The following LDB2 variants were observed in gnomAD, a reference collection of about 807,000 sequenced individuals.
LDB2 encodes the protein LIM domain binding 2, also known as LIM domain-binding protein 2.
LDB2 carries 12 observed loss-of-function variants against 44.3 expected under a neutral mutation model. The observed-to-expected ratio is 0.27, with a 90% confidence interval of 0.17 to 0.44. The LOEUF is 0.44. LDB2 is among the 20% of genes least tolerant of loss of function. The pLI is 1.00. For missense variants in LDB2, 344 were observed against 473.5 expected, an observed-to-expected ratio of 0.73 and a Z score of 2.54; for synonymous variants, 164 against 174.8, an observed-to-expected ratio of 0.94 and a Z score of 0.49.
intron 2 of LDB2, among the ~76,000 whole-genome samples, chr4:16,676,811 C>T (rs981355434): frequency 3.9e-5 from 6 of 152,052 alleles, no homozygotes; most frequent in Admixed American, 6.5e-5. Flanking sequence ...AAATGAGATC[C>T]AAGTCAAGGA....
At chr4:16,795,814 G>A (rs565501082) in intron 1 of LDB2, among the ~76,000 whole-genome samples, 3 of 152,192 alleles carry the variant, frequency 2.0e-5, no homozygotes, top group Admixed American at 1.3e-4. Flanking sequence ...TATTATAATT[G>A]TAGCTACTGT....
chr4:16,605,877 G>C (rs1382801712), intron 2 of LDB2, among the ~76,000 whole-genome samples: 1 of 152,156 alleles, frequency 6.6e-6, no homozygotes, highest in African/African-American at 2.4e-5. Context: ...CACCAGGAGG[G>C]GGAACTGCCA....
chr4:16,738,892 T>A (rs750488398), intron 2 of LDB2, among the ~76,000 whole-genome samples: 2 of 152,204 alleles, frequency 1.3e-5, no homozygotes, highest in African/African-American at 2.4e-5. Context: ...TTCTAGTAAT[T>A]TGGGGTCCTT....
chr4:16,570,489 A>AAAAAAAAAAAC, intron 5 of LDB2, among the ~76,000 whole-genome samples: 1 of 141,788 alleles, frequency 7.1e-6, no homozygotes, highest in Non-Finnish European at 1.5e-5. Context: ...AAAAAAAAAA[A>AAAAAAAAAAAC]AAAAAAAAAA....
chr4:16,565,303 A>G (rs765158162), intron 5 of LDB2, among the ~76,000 whole-genome samples: 3 of 152,214 alleles, frequency 2.0e-5, no homozygotes, highest in Non-Finnish European at 2.9e-5. Context: ...AGAAATTAAA[A>G]TACTGCCTTG....
chr4:16,780,216 AT>A (rs903288511), intron 1 of LDB2, among the ~76,000 whole-genome samples: 2 of 152,096 alleles, frequency 1.3e-5, no homozygotes, highest in Non-Finnish European at 2.9e-5. Context: ...ATGATTTCTA[AT>A]TTTTTTTATT....
At chr4:16,563,256 G>A (rs1420434875) in intron 5 of LDB2, among the ~76,000 whole-genome samples, 1 of 150,964 alleles carries the variant, frequency 6.6e-6, no homozygotes, top group Non-Finnish European at 1.5e-5. Context: ...AAAAAAGGAA[G>A]CTAGATCTCC....
intron 2 of LDB2, among the ~76,000 whole-genome samples, chr4:16,716,437 G>C (rs1423564910): frequency 6.6e-6 from 1 of 152,188 alleles, no homozygotes; most frequent in African/African-American, 2.4e-5. Context: ...TTTGTAGAAG[G>C]CTCTGAAAGC....
intron 2 of LDB2, among the ~76,000 whole-genome samples, chr4:16,651,710 T>G (rs1738331827): frequency 6.6e-6 from 1 of 152,156 alleles, no homozygotes; most frequent in African/African-American, 2.4e-5. Context: ...TCCTGTGCGG[T>G]CTTTCCTTCC....
intron 1 of LDB2, among the ~76,000 whole-genome samples, chr4:16,897,892 GAA>G (rs1369845460): frequency 2.3e-5 from 1 of 43,010 alleles, no homozygotes; most frequent in East Asian, 5.3e-4. Context: ...TTGTAAAAAA[GAA>G]AATATATATA....
At chr4:16,873,207 G>A (rs1198195187) in intron 1 of LDB2, among the ~76,000 whole-genome samples, 3 of 152,224 alleles carry the variant, frequency 2.0e-5, no homozygotes, top group Non-Finnish European at 2.9e-5. Context: ...TATTTGGATA[G>A]TGGAGGTCTC....
intron 1 of LDB2, among the ~76,000 whole-genome samples, chr4:16,861,597 C>T (rs1712565863): frequency 6.6e-6 from 1 of 152,222 alleles, no homozygotes; most frequent in South Asian, 2.1e-4. Flanking sequence ...AACCTTCTCG[C>T]CAGTCCCAGG....
chr4:16,720,844 G>C (rs1758118613), intron 2 of LDB2, among the ~76,000 whole-genome samples: 1 of 152,030 alleles, frequency 6.6e-6, no homozygotes, highest in African/African-American at 2.4e-5. Flanking sequence ...TTATTTCATG[G>C]ATAGAAGCTA....
intron 1 of LDB2, among the ~76,000 whole-genome samples, chr4:16,774,433 C>T (rs777341697): frequency 6.6e-6 from 1 of 151,944 alleles, no homozygotes; most frequent in Non-Finnish European, 1.5e-5. Context: ...AGTTCTTATC[C>T]TTTTATGTCC....
Position 16,588,711 on chromosome 4 carries a change from T to C in LDB2, c.530A>G (p.His177Arg), listed in dbSNP as rs770479786. ...ELVPRSILAMHAQDPQVLDQL... is the reference protein window; with the variant it reads ...ELVPRSILAMRAQDPQVLDQL... ...CAAAACAGAAATTAAATTACTTACATGCATGGCTAGGATGCTTCTCGGGAC... is the reference window on the plus strand; with the variant it reads ...CAAAACAGAAATTAAATTACTTACACGCATGGCTAGGATGCTTCTCGGGAC... The change falls in exon 4 of 8, where the codon CAT becomes CGT. Residue 177 changes from histidine to arginine, a missense_variant and splice_region_variant. Around this residue, in one of 3 missense-constraint regions of LDB2, gnomAD observed 226 missense variants for 270.1 expected, o/e 0.84. Transcript: ENST00000304523. The C allele has an allele frequency of 6.2e-7, 1 of 1,612,812 alleles. No homozygotes were observed. Among genetic ancestry groups the C allele is most frequent in the Non-Finnish European group, 8.5e-7 (1 of 1,179,510 alleles).
chr4:16,546,786 T>C lies in LDB2; in HGVS notation c.616-34682A>G, dbSNP rs111239704. 3.3e-4 allele frequency among the ~76,000 whole-genome samples: 51 copies of C among 152,318 alleles called. 3 individuals carry two copies. Among genetic ancestry groups the C allele is most frequent in the African/African-American group, 1.2e-3 (49 of 41,566 alleles). The stretch of plus-strand genomic sequence containing the variant: ...TCCTTTTCATATATAAAACTCCTTC[T>C]TGGGTTTCTAGCTCTCTCTTCTCCT... On this transcript the variant is annotated intron_variant, in intron 5 of 7. Transcript: ENST00000304523.
At chr4:16,635,433 C>T (rs1274234304) in intron 2 of LDB2, among the ~76,000 whole-genome samples, 1 of 151,398 alleles carries the variant, frequency 6.6e-6, no homozygotes, top group Non-Finnish European at 1.5e-5. Flanking sequence ...GATTCTGGAG[C>T]CAAGACAAGG....
chr4:16,769,421 C>T (rs1177816673), intron 1 of LDB2, among the ~76,000 whole-genome samples: 1 of 151,916 alleles, frequency 6.6e-6, no homozygotes, highest in East Asian at 1.9e-4. Flanking sequence ...CTCAGGCTCC[C>T]GAGTAGCTGG....
chr4:16,565,929 T>C (rs1350327109), intron 5 of LDB2, among the ~76,000 whole-genome samples: 1 of 151,932 alleles, frequency 6.6e-6, no homozygotes, highest in African/African-American at 2.4e-5. Context: ...TATATATGTC[T>C]AAATATATGC....
Sources: gnomAD v4.1 joint callset for allele counts (sites outside exome capture counted in the v4.1 genomes callset) on GRCh38, gnomAD v4.1.1 for gene constraint, gnomAD v4.1.1 regional missense constraint, MANE v1.5 for transcripts, NCBI Gene and HGNC (gene_info 2026-07-23, HGNC 2026-07-21) for gene names.